VPS33A: variants seen among roughly 807,000 people sequenced by gnomAD.
VPS33A encodes VPS33A core subunit of CORVET and HOPS complexes, also known as vacuolar protein sorting-associated protein 33A.
In VPS33A, 32 loss-of-function variants were observed where a neutral mutation model predicts 71.8. The observed-to-expected ratio is 0.45, with a 90% CI of 0.34 to 0.60. The LOEUF is 0.60. VPS33A is among the 20% of genes least tolerant of loss of function. The probability of loss-of-function intolerance (pLI) is 0.02; values close to 1 mark genes in which losing one functional copy is unlikely to be tolerated. For missense variants in VPS33A, 625 were observed against 748.5 expected (o/e 0.84, Z 1.92); for synonymous variants, 311 against 292.7 (o/e 1.06, Z -0.64).
chr12:122,232,774 T>A, intron 12 of VPS33A, 26 bp downstream of exon 12: 2 of 1,598,266 alleles, frequency 1.3e-6, no homozygotes, highest in Non-Finnish European at 1.7e-6. Context: ...TACATAATTA[T>A]CTGTAGATGC....
chr12:122,257,795 G>A (rs1954940191), intron 4 of VPS33A, among the ~76,000 whole-genome samples: 1 of 152,090 alleles, frequency 6.6e-6, no homozygotes, highest in Non-Finnish European at 1.5e-5. Context: ...TCACACTTCT[G>A]ATTTCAAAGC....
chr12:122,265,287 G>C (rs1385557174), intron 1 of VPS33A, among the ~76,000 whole-genome samples: 1 of 152,032 alleles, frequency 6.6e-6, no homozygotes, highest in Non-Finnish European at 1.5e-5. Context: ...TATAGACCTT[G>C]GACCATACAG....
At chr12:122,249,707 C>T (rs1488238039) in intron 6 of VPS33A, 164 bp downstream of exon 6, 1 of 588,680 alleles carries the variant, frequency 1.7e-6, no homozygotes, top group African/African-American at 1.9e-5. Flanking sequence ...TTATGTGTTG[C>T]TAAATTGCTT....
chr12:122,239,434 G>C (rs1017231879), intron 9 of VPS33A, among the ~76,000 whole-genome samples: 5 of 152,002 alleles, frequency 3.3e-5, no homozygotes, highest in African/African-American at 1.2e-4. Flanking sequence ...TTTTGCATTT[G>C]CTCTTAAAAA....
chr12:122,254,467 A>C (rs1954888952), intron 4 of VPS33A, among the ~76,000 whole-genome samples: 1 of 133,818 alleles, frequency 7.5e-6, no homozygotes, highest in African/African-American at 2.9e-5. Context: ...CAGTGGTGCA[A>C]TCTTGGCTCA....
chr12:122,257,758 A>G (rs974509361), intron 4 of VPS33A, among the ~76,000 whole-genome samples: 1 of 152,114 alleles, frequency 6.6e-6, no homozygotes, highest in Non-Finnish European at 1.5e-5. Context: ...CAAAAGTGAT[A>G]TATTTACCTG....
At chr12:122,243,616 ATAACT>A (rs1954741994) in intron 7 of VPS33A, among the ~76,000 whole-genome samples, 1 of 152,250 alleles carries the variant, frequency 6.6e-6, no homozygotes, top group Non-Finnish European at 1.5e-5. Flanking sequence ...GCAAAATTTA[ATAACT>A]TAAACCAAAA....
chr12:122,232,532 C>T (rs1349973593), intron 12 of VPS33A, 105 bp from the exon 13 acceptor site: 1 of 1,223,014 alleles, frequency 8.2e-7, no homozygotes, highest in Non-Finnish European at 1.1e-6. Flanking sequence ...GTGCCTTCAT[C>T]CAGACAGTTC....
At chr12:122,236,419 C>T (rs1954630180) in intron 10 of VPS33A, among the ~76,000 whole-genome samples, 1 of 152,166 alleles carries the variant, frequency 6.6e-6, no homozygotes, top group Admixed American at 6.5e-5. Flanking sequence ...GCGGGCCAAT[C>T]ACTTGAAGTC....
At position 122,232,322 on chromosome 12, in the gene VPS33A, G is replaced by A. The variant is rs758655520; in HGVS notation, c.1715C>T (p.Thr572Ile). 6.2e-7 allele frequency: 1 copy of A among 1,614,154 alleles called. No individual in the cohort carries two copies. Among genetic ancestry groups the A allele is most frequent in the Non-Finnish European group, 8.5e-7 (1 of 1,180,030 alleles). Residue 572 changes from threonine to isoleucine, a missense_variant, in exon 13 of 13, where the codon ACA (threonine) becomes ATA (isoleucine). Transcript: ENST00000267199. The part of the protein sequence containing the change: ...RFLSQLEDGG[T>I]EYVIATTKLM... ...TTTAGTGGTGGCAATGACATATTCT[G>A]TACCTCCATCTTCCAACTGGGAGAG...
intron 8 of VPS33A, among the ~76,000 whole-genome samples, chr12:122,240,665 A>AATCTTAAG (rs1175767167): frequency 2.6e-5 from 4 of 152,264 alleles, no homozygotes; most frequent in Non-Finnish European, 5.9e-5. Flanking sequence ...AGTATACTTC[A>AATCTTAAG]TAAAACAATC....
At chr12:122,260,931 C>T (rs762162964) in intron 4 of VPS33A, among the ~76,000 whole-genome samples, 8 of 152,160 alleles carry the variant, frequency 5.3e-5, no homozygotes, top group Non-Finnish European at 8.8e-5. Flanking sequence ...GCTGAGATCG[C>T]GCCACTGCGC....
At position 122,259,700 on chromosome 12, in the gene VPS33A, C is replaced by T. The variant is rs114174854; in HGVS notation, c.483+1561G>A. On this transcript the variant is annotated intron_variant, in intron 4 of 12. Coordinates refer to ENST00000267199, the MANE Select transcript of VPS33A (RefSeq NM_022916.6). ...GCAATAAGAAGGAATGAAGGCCTCGCGCAGGCTTCAACCTGGGTGAACCCT... is the reference window on the plus strand; with the variant it reads ...GCAATAAGAAGGAATGAAGGCCTCGTGCAGGCTTCAACCTGGGTGAACCCT... 3.4e-3 allele frequency among the ~76,000 whole-genome samples: 514 copies of T among 152,126 alleles called. 9 individuals carry two copies. The highest frequency in any genetic ancestry group is 8.9e-3 in the African/African-American group (368 of 41,458).
Position 122,229,906 on chromosome 12 carries a change from A to T in VPS33A, c.*2340T>A, listed in dbSNP as rs1262467498. On this transcript the variant is annotated 3_prime_UTR_variant, in exon 13 of 13. Coordinates refer to ENST00000267199, the MANE Select transcript of VPS33A (RefSeq NM_022916.6). ...TAGAGTCTTGGGTGAGTGCAGACAC[A>T]TGAGACTACAACTGAGTATCTGTTC... 6.6e-6 allele frequency: 1 copy of T among 152,198 alleles called. No homozygotes were observed. Among genetic ancestry groups the T allele is most frequent in the Non-Finnish European group, 1.5e-5 (1 of 68,032 alleles). 9.4% of individuals were successfully genotyped at this position (152,198 alleles called of 1,614,324 possible). A position where few individuals can be genotyped will look rare whatever the true frequency, so the allele number is the denominator to read the frequency against.
chr12:122,246,271 G>A (rs932961530), intron 6 of VPS33A, among the ~76,000 whole-genome samples: 1 of 151,174 alleles, frequency 6.6e-6, no homozygotes, highest in South Asian at 2.1e-4. Flanking sequence ...TAGGTGGGAG[G>A]ATCTCTCTCT....
chr12:122,260,043 A>C (rs935945987), intron 4 of VPS33A, among the ~76,000 whole-genome samples: 1 of 152,010 alleles, frequency 6.6e-6, no homozygotes, highest in Non-Finnish European at 1.5e-5. Flanking sequence ...ACTCTATCTC[A>C]AAAAAAGAAG....
intron 1 of VPS33A, among the ~76,000 whole-genome samples, chr12:122,265,996 C>G (rs571931728): frequency 6.6e-6 from 1 of 152,362 alleles, no homozygotes; most frequent in South Asian, 2.1e-4. Flanking sequence ...ACCGCTCACC[C>G]GTCCGGTGCC....
At chr12:122,236,031 G>A (rs1954625826) in intron 10 of VPS33A, 108 bp from the exon 11 acceptor site, 1 of 1,366,680 alleles carries the variant, frequency 7.3e-7, no homozygotes, top group African/African-American at 1.5e-5. Context: ...TGCAGGACAT[G>A]TTACCAAAGT....
At chr12:122,259,747 G>C (rs1357964461) in intron 4 of VPS33A, among the ~76,000 whole-genome samples, 1 of 151,884 alleles carries the variant, frequency 6.6e-6, no homozygotes, top group African/African-American at 2.4e-5. Context: ...ACTAAGTGAA[G>C]ATGCCAGACA....
Sources: gnomAD v4.1 joint callset for allele counts (sites outside exome capture counted in the v4.1 genomes callset) on GRCh38, gnomAD v4.1.1 for gene constraint, MANE v1.5 for transcripts, NCBI Gene and HGNC (gene_info 2026-07-23, HGNC 2026-07-21) for gene names.